SORBS2: variants seen among roughly 807,000 people sequenced by gnomAD.
SORBS2 encodes the protein sorbin and SH3 domain containing 2.
SORBS2 carries 46 observed loss-of-function variants against 97.7 expected under a neutral mutation model. The observed-to-expected ratio is 0.47, with a 90% CI of 0.37 to 0.60. The LOEUF (loss-of-function observed/expected upper bound fraction) is 0.60. Ranked by LOEUF, SORBS2 falls within the 20% of genes least tolerant of loss-of-function variation. SORBS2 has a pLI of 0.00. For synonymous variants in SORBS2, 476 were observed against 473.4 expected, an observed-to-expected ratio of 1.01 and a Z score of -0.07; for missense variants, 1,316 against 1,282.3, an observed-to-expected ratio of 1.03 and a Z score of -0.40.
chr4:185,635,205 T>C (rs1424501200), intron 4 of SORBS2, 150 bp downstream of exon 16: 2 of 619,032 alleles, frequency 3.2e-6, no homozygotes, highest in South Asian at 2.0e-5. Flanking sequence ...GTCCAGGCAA[T>C]GATACTGGAT....
chr4:185,763,439 C>G lies in SORBS2; in HGVS notation c.-198+11788G>C, dbSNP rs560331659. Among the ~76,000 whole-genome samples, 17 of 152,332 alleles carry G rather than the reference C, an allele frequency of 1.1e-4. No individual in the cohort carries two copies. The East Asian group carries it at 1.7e-3, about 16-fold the overall frequency. ...GCCCTGGCCCAAGCCCCCGACCCCC[C>G]ACCTCATCACATTTCTGCAATTTAC... On this transcript the variant is annotated intron_variant, in intron 2 of 20. Transcript: ENST00000284776.
intron 2 of SORBS2, among the ~76,000 whole-genome samples, chr4:185,746,810 A>C (rs951730505): frequency 5.3e-5 from 8 of 152,160 alleles, no homozygotes; most frequent in African/African-American, 1.7e-4. Context: ...CATCTACCAG[A>C]TTTTCCACCA....
At chr4:185,627,066 G>A (rs770488142) in intron 5 of SORBS2, 47 bp from the exon 18 acceptor site, 16 of 1,574,508 alleles carry the variant, frequency 1.0e-5, no homozygotes, top group South Asian at 6.7e-5. Context: ...GAGGAGGTTC[G>A]GGTGTGCACC....
At chr4:185,755,474 G>T (rs1314636133) in intron 2 of SORBS2, among the ~76,000 whole-genome samples, 1 of 152,222 alleles carries the variant, frequency 6.6e-6, no homozygotes, top group Non-Finnish European at 1.5e-5. Context: ...ATACACAAAT[G>T]TGAGATGTTT....
chr4:185,948,924 T>C (rs1428647901), intron 1 of SORBS2, among the ~76,000 whole-genome samples: 1 of 152,054 alleles, frequency 6.6e-6, no homozygotes, highest in African/African-American at 2.4e-5. Context: ...AATATTAAAT[T>C]AGATAAAATG....
chr4:185,935,620 A>T (rs1467082693), intron 1 of SORBS2, among the ~76,000 whole-genome samples: 1 of 152,192 alleles, frequency 6.6e-6, no homozygotes. Context: ...AGACATACCA[A>T]CTTTAACTAG....
chr4:185,614,789 C>T (rs1224696564), intron 11 of SORBS2, 42 bp downstream of exon 23: 1 of 1,608,266 alleles, frequency 6.2e-7, no homozygotes. Context: ...CACTGAAGAA[C>T]AAACAAACAA....
At chr4:185,829,723 C>T (rs991223754) in intron 1 of SORBS2, among the ~76,000 whole-genome samples, 37 of 152,148 alleles carry the variant, frequency 2.4e-4, no homozygotes, top group Admixed American at 9.2e-4. Context: ...AACACCTACT[C>T]GGTACTTACA....
At chr4:185,689,469 TG>T in intron 2 of SORBS2, among the ~76,000 whole-genome samples, 1 of 152,316 alleles carries the variant, frequency 6.6e-6, no homozygotes, top group African/African-American at 2.4e-5. Flanking sequence ...TGCCTTTGTG[TG>T]GTGCATATGC....
intron 1 of SORBS2, among the ~76,000 whole-genome samples, chr4:185,777,426 T>A (rs144306305): frequency 8.7e-4 from 132 of 152,296 alleles, no homozygotes; most frequent in African/African-American, 2.9e-3. Context: ...TGTTTTTTTC[T>A]TTTTCCTCCT....
intron 2 of SORBS2, among the ~76,000 whole-genome samples, chr4:185,695,050 C>A (rs758024713): frequency 1.3e-5 from 2 of 151,766 alleles, no homozygotes; most frequent in African/African-American, 4.8e-5. Flanking sequence ...TCATTTTTCT[C>A]GGAATCAGAG....
At chr4:185,707,856 C>G (rs2098368304) in intron 2 of SORBS2, among the ~76,000 whole-genome samples, 1 of 152,096 alleles carries the variant, frequency 6.6e-6, no homozygotes, top group Non-Finnish European at 1.5e-5. Context: ...AAGACGCACC[C>G]CATGAGTCAC....
intron 1 of SORBS2, among the ~76,000 whole-genome samples, chr4:185,917,806 T>G (rs918256266): frequency 8.5e-5 from 13 of 152,098 alleles, no homozygotes; most frequent in Admixed American, 8.5e-4. Flanking sequence ...GTCTGCTGCT[T>G]GATGAGTGGG....
At chr4:185,927,711 G>A (rs1269373036) in intron 1 of SORBS2, among the ~76,000 whole-genome samples, 1 of 152,114 alleles carries the variant, frequency 6.6e-6, no homozygotes, top group African/African-American at 2.4e-5. Context: ...ATAAAGTTAA[G>A]TTTATATGTC....
chr4:185,623,791 G>A lies in SORBS2; in HGVS notation c.1338C>T (p.Gly446=). Reference sequence around the variant, plus strand: ...TGGAAAACCGCCTCTTGGGACATAGGCCATTTTGCGGTGGTTCTAGGGTTA... The same window carrying A: ...TGGAAAACCGCCTCTTGGGACATAGACCATTTTGCGGTGGTTCTAGGGTTA... Residue 446 remains glycine, a synonymous_variant, in exon 7 of 15, where the codon GGC becomes GGT. Transcript: ENST00000418609. The surrounding 1 kb of genome is among the most constrained non-coding windows in gnomAD (Gnocchi z 6.4). 2 of 1,614,164 alleles carry A rather than the reference G, an allele frequency of 1.2e-6. No homozygotes were observed.
chr4:185,846,687 C>T (rs1459478952), intron 1 of SORBS2, among the ~76,000 whole-genome samples: 1 of 152,104 alleles, frequency 6.6e-6, no homozygotes, highest in Non-Finnish European at 1.5e-5. Context: ...TACATTTATT[C>T]AATGAGGTAG....
chr4:185,638,776 GCGGGACC>G, intron 4 of SORBS2, 94 bp downstream of exon 14: 1 of 1,163,944 alleles, frequency 8.6e-7, no homozygotes, highest in Non-Finnish European at 1.1e-6. Flanking sequence ...ATGGGTGCGA[GCGGGACC>G]CGGGGGAGTG....
chr4:185,817,347 T>C (rs1319270452), intron 1 of SORBS2, among the ~76,000 whole-genome samples: 4 of 152,104 alleles, frequency 2.6e-5, no homozygotes, highest in African/African-American at 9.7e-5. Flanking sequence ...TGGGGAGAGA[T>C]TCTGCAAGCA....
rs34286752 is a variant in SORBS2 at position 185,770,081 on chromosome 4, A to ATT, written c.-198+5144_-198+5145dup. The stretch of plus-strand genomic sequence containing the variant: ...AATGAGAGGCATTCTGCCGGATGGC[A>ATT]TTTTTTTTTTTTTTTGAGACGAAGT... On this transcript the variant is annotated intron_variant, in intron 2 of 20. Coordinates refer to the SORBS2 transcript ENST00000284776. Among the ~76,000 whole-genome samples, 609 of 145,776 alleles carry ATT rather than the reference A, an allele frequency of 4.2e-3. 7 individuals carry two copies. The highest frequency in any genetic ancestry group is 0.012 in the African/African-American group (477 of 39,702).
Sources: allele counts gnomAD v4.1 joint callset (sites outside exome capture counted in the v4.1 genomes callset), GRCh38; gene constraint gnomAD v4.1.1; non-coding constraint Gnocchi (gnomAD v3.1); transcripts MANE v1.5; gene names NCBI Gene and HGNC (gene_info 2026-07-23, HGNC 2026-07-21).